Variants in OTUD7A observed in about 807,000 individuals in gnomAD.
The protein encoded by OTUD7A is OTU domain-containing protein 7A.
Under a neutral mutation model 65.7 loss-of-function variants are expected in OTUD7A, and 12 were observed. The ratio of observed to expected loss-of-function variants is 0.18; its 90% CI spans 0.12 to 0.30. The LOEUF (loss-of-function observed/expected upper bound fraction) is 0.30, where lower values mean the gene tolerates loss of function less well. OTUD7A is among the 10% of genes least tolerant of loss of function. OTUD7A has a pLI of 1.00. For missense variants in OTUD7A, 1,148 were observed against 1,304.8 expected (o/e 0.88, Z 1.85); for synonymous variants, 641 against 586.3 (o/e 1.09, Z -1.35).
At chr15:31,797,726 C>T (rs1896007010) in intron 1 of OTUD7A, among the ~76,000 whole-genome samples, 2 of 152,340 alleles carry the variant, frequency 1.3e-5, no homozygotes, top group East Asian at 1.9e-4. Context: ...AAGTGCCCTT[C>T]CAAAAAGCAA....
intron 8 of OTUD7A, among the ~76,000 whole-genome samples, chr15:31,525,539 G>A (rs1475823935): frequency 1.3e-5 from 2 of 152,222 alleles, no homozygotes; most frequent in Non-Finnish European, 2.9e-5. Context: ...CCAGTTGCCC[G>A]CTGCAGGGCC....
chr15:31,667,794 T>G (rs1454182444), intron 1 of OTUD7A, among the ~76,000 whole-genome samples: 1 of 152,222 alleles, frequency 6.6e-6, no homozygotes, highest in Non-Finnish European at 1.5e-5. Context: ...GTTTCTAGGA[T>G]TTGTTTCAAG....
In OTUD7A at chr15:31,730,571, C is replaced by T. The variant is rs565522568; in HGVS notation, c.-99-73494G>A. Among the ~76,000 whole-genome samples, 20 of 152,304 alleles carry T rather than the reference C, an allele frequency of 1.3e-4. No homozygotes were observed. The South Asian group carries it at 3.1e-3, about 24-fold the overall frequency. On this transcript the variant is annotated intron_variant, in intron 1 of 12. Coordinates refer to ENST00000307050, the MANE Select transcript of OTUD7A (RefSeq NM_001382637.1). Reference sequence around the variant, plus strand: ...AGTTGTCTGCTGCAGAATTTTATTTCCTGGCGTATACACTGAAGTGACCAC... The same window carrying T: ...AGTTGTCTGCTGCAGAATTTTATTTTCTGGCGTATACACTGAAGTGACCAC...
At chr15:31,822,564 T>G (rs548276270) in intron 1 of OTUD7A, among the ~76,000 whole-genome samples, 10 of 152,260 alleles carry the variant, frequency 6.6e-5, no homozygotes, top group African/African-American at 2.4e-4. Flanking sequence ...CTGGCCACCC[T>G]GCCTCTTTGT....
At chr15:31,799,984 AACCAC>A (rs1394456215) in intron 1 of OTUD7A, among the ~76,000 whole-genome samples, 1 of 152,116 alleles carries the variant, frequency 6.6e-6, no homozygotes, top group African/African-American at 2.4e-5. Context: ...TAATCACTGA[AACCAC>A]ACTTCAGACG....
intron 10 of OTUD7A, among the ~76,000 whole-genome samples, chr15:31,496,454 C>T (rs1339968543): frequency 3.9e-5 from 6 of 152,136 alleles, no homozygotes; most frequent in Non-Finnish European, 8.8e-5. Flanking sequence ...GATCTCCTGA[C>T]CTCGTGATCC....
At chr15:31,535,359 T>TCCC (rs1296452933) in intron 5 of OTUD7A, among the ~76,000 whole-genome samples, 1 of 152,160 alleles carries the variant, frequency 6.6e-6, no homozygotes, top group Non-Finnish European at 1.5e-5. Flanking sequence ...CCCTTCCCCT[T>TCCC]CTGCCATGAT....
chr15:31,852,490 A>G (rs1416155436), intron 1 of OTUD7A, among the ~76,000 whole-genome samples: 1 of 152,266 alleles, frequency 6.6e-6, no homozygotes, highest in Non-Finnish European at 1.5e-5. Context: ...GCAATAAACT[A>G]TTCCAAAATA....
intron 8 of OTUD7A, among the ~76,000 whole-genome samples, chr15:31,523,986 T>C (rs554934343): frequency 5.1e-4 from 78 of 152,264 alleles, no homozygotes; most frequent in Non-Finnish European, 8.7e-4. Context: ...AAACTCCCCA[T>C]TCCCAGGAAA....
chr15:31,753,717 TATATTATATATATATA>T (rs1471714621), intron 1 of OTUD7A, among the ~76,000 whole-genome samples: 26 of 85,610 alleles, frequency 3.0e-4, no homozygotes, highest in Non-Finnish European at 5.4e-4. Flanking sequence ...TATATATATA[TATATTATATATATATA>T]TATATATCTC....
intron 1 of OTUD7A, among the ~76,000 whole-genome samples, chr15:31,711,002 T>C (rs1401265449): frequency 6.6e-6 from 1 of 151,892 alleles, no homozygotes; most frequent in Non-Finnish European, 1.5e-5. Flanking sequence ...AACACTCACC[T>C]GAGGAGCATG....
chr15:31,517,780 A>G (rs1316479465), intron 8 of OTUD7A, among the ~76,000 whole-genome samples: 1 of 152,156 alleles, frequency 6.6e-6, no homozygotes, highest in African/African-American at 2.4e-5. Flanking sequence ...CCAAGAAGCA[A>G]AGGTCATGGA....
At chr15:31,848,245 A>C (rs1175482378) in intron 1 of OTUD7A, among the ~76,000 whole-genome samples, 1 of 152,146 alleles carries the variant, frequency 6.6e-6, no homozygotes, top group Admixed American at 6.5e-5. Context: ...CACGAGAGGC[A>C]GGGGCTAGGG....
rs116668995 is a variant in OTUD7A, at chr15:31,862,342, A to G, written c.-100+8165T>C. Among the ~76,000 whole-genome samples, 1,066 of 152,298 alleles carry G rather than the reference A, an allele frequency of 7.0e-3. 15 individuals are homozygous for G. The highest frequency in any genetic ancestry group is 0.025 in the African/African-American group (1,026 of 41,556). ...ACATAACCGGCTTCCTGGGGAGTTC[A>G]CTATCTACTCTGAGTGAGAGGAACT... On this transcript the variant is annotated intron_variant, in intron 1 of 12. Transcript: ENST00000307050.
intron 1 of OTUD7A, among the ~76,000 whole-genome samples, chr15:31,671,388 T>A (rs1369008992): frequency 6.6e-6 from 1 of 152,332 alleles, no homozygotes; most frequent in East Asian, 1.9e-4. Flanking sequence ...TGTGGTCTTA[T>A]TTCCAAGATC....
At position 31,484,952 on chromosome 15, in the gene OTUD7A, C is replaced by G. The variant is rs1418562933; in HGVS notation, c.1372-228G>C. Among the ~76,000 whole-genome samples the G allele has an allele frequency of 6.6e-6, 1 of 152,204 alleles. No homozygotes were observed. The highest frequency in any genetic ancestry group is 1.9e-4 in the East Asian group (1 of 5,192). On this transcript the variant is annotated intron_variant, in intron 12 of 12. Transcript: ENST00000307050. The surrounding 1 kb of genome is among the most constrained non-coding windows in gnomAD (Gnocchi z 4.5). ...CGGTAGTAAAAGGATGTAGGGACCTCTTAACTGCGTGTGTCTTCTGGCCAG... is the reference window on the plus strand; with the variant it reads ...CGGTAGTAAAAGGATGTAGGGACCTGTTAACTGCGTGTGTCTTCTGGCCAG...
chr15:31,695,002 C>A (rs565065615), intron 1 of OTUD7A, among the ~76,000 whole-genome samples: 2 of 152,140 alleles, frequency 1.3e-5, no homozygotes, highest in East Asian at 3.9e-4. Context: ...CCCACCACCA[C>A]GCCTGGCTAA....
At chr15:31,642,170 ATTGTATACC>A in intron 3 of OTUD7A, among the ~76,000 whole-genome samples, 1 of 152,320 alleles carries the variant, frequency 6.6e-6, no homozygotes, top group East Asian at 1.9e-4. Flanking sequence ...TACTGAGATG[ATTGTATACC>A]TTCTGTTTCT....
At chr15:31,784,234 T>C (rs949627564) in intron 1 of OTUD7A, among the ~76,000 whole-genome samples, 1 of 152,234 alleles carries the variant, frequency 6.6e-6, no homozygotes, top group Admixed American at 6.5e-5. Flanking sequence ...CTACTTGTTG[T>C]TGAATTCAGA....
Sources: allele counts gnomAD v4.1 joint callset (sites outside exome capture counted in the v4.1 genomes callset), GRCh38; gene constraint gnomAD v4.1.1; non-coding constraint Gnocchi (gnomAD v3.1); transcripts MANE v1.5; gene names NCBI Gene and HGNC (gene_info 2026-07-23, HGNC 2026-07-21).